Variants in LRRC27 observed in about 807,000 individuals in gnomAD.
The protein encoded by LRRC27 is leucine-rich repeat-containing protein 27.
Under a neutral mutation model 55.0 loss-of-function variants are expected in LRRC27, and 57 were observed. The ratio of observed to expected loss-of-function variants is 1.04; its 90% CI spans 0.84 to 1.29. The LOEUF (loss-of-function observed/expected upper bound fraction) is 1.29, where lower values mean the gene tolerates loss of function less well. Among genes scored for constraint, LRRC27 ranks in the 50% most tolerant of loss-of-function variants. LRRC27 has a pLI of 0.00. For missense variants in LRRC27, 721 were observed against 651.5 expected, an observed-to-expected ratio of 1.11 and a Z score of -1.16; for synonymous variants, 278 against 251.9, an observed-to-expected ratio of 1.10 and a Z score of -0.98.
intron 2 of LRRC27, 146 bp from the exon 3 acceptor site, chr10:132,337,419 A>C: frequency 7.0e-7 from 1 of 1,422,504 alleles, no homozygotes; most frequent in Non-Finnish European, 9.2e-7. Context: ...ACATCTTTTA[A>C]GGGTAAGAGA....
chr10:132,371,605 A>AGAGCCCC (rs2069218428), intron 10 of LRRC27, among the ~76,000 whole-genome samples: 3 of 152,182 alleles, frequency 2.0e-5, no homozygotes, highest in Admixed American at 1.3e-4. Context: ...TCCTGTAATA[A>AGAGCCCC]TAGAGCCCCA....
intron 1 of LRRC27, 80 bp from the exon 2 acceptor site, chr10:132,333,397 C>A: frequency 1.8e-6 from 1 of 544,990 alleles, no homozygotes; most frequent in South Asian, 4.0e-5. Flanking sequence ...AGTTACATTA[C>A]AGTAGATCTG....
At chr10:132,364,346 A>ACACTCATGCTTAC (rs71013524) in intron 9 of LRRC27, among the ~76,000 whole-genome samples, 1 of 16,730 alleles carries the variant, frequency 6.0e-5, no homozygotes. Flanking sequence ...ACCCACACTT[A>ACACTCATGCTTAC]ATCTACCTCC....
intron 5 of LRRC27, 61 bp from the exon 6 acceptor site, chr10:132,347,923 G>T (rs2067799161): frequency 6.6e-7 from 1 of 1,518,352 alleles, no homozygotes; most frequent in South Asian, 1.3e-5. Context: ...CTGGCTTTTT[G>T]AATAAGTCAC....
At chr10:132,355,538 G>GC (rs1179114390) in intron 7 of LRRC27, among the ~76,000 whole-genome samples, 2 of 152,176 alleles carry the variant, frequency 1.3e-5, no homozygotes, top group Non-Finnish European at 2.9e-5. Flanking sequence ...GGTCGGGTTG[G>GC]CCCCCAGCAT....
chr10:132,337,046 CTT>C, intron 2 of LRRC27: 1 of 1,284,100 alleles, frequency 7.8e-7, no homozygotes, highest in Non-Finnish European at 1.0e-6. Context: ...CTCGCTGAGG[CTT>C]TGTTTGCTGC....
chr10:132,366,844 A>G, intron 10 of LRRC27: 1 of 1,280,452 alleles, frequency 7.8e-7, no homozygotes, highest in Non-Finnish European at 1.0e-6. Flanking sequence ...CCTCTCTCCT[A>G]GAGCCGGAGA....
chr10:132,370,887 A>C, intron 10 of LRRC27, among the ~76,000 whole-genome samples: 1 of 152,198 alleles, frequency 6.6e-6, no homozygotes, highest in Non-Finnish European at 1.5e-5. Context: ...CGATCATGCC[A>C]GCCCTCCCTG....
chr10:132,337,503 A>G, intron 2 of LRRC27, 62 bp from the exon 3 acceptor site: 2 of 1,594,046 alleles, frequency 1.3e-6, no homozygotes, highest in Non-Finnish European at 1.7e-6. Flanking sequence ...GATTTTGGAT[A>G]TATCATGTTT....
intron 3 of LRRC27, 53 bp downstream of exon 3, chr10:132,337,748 G>A: frequency 6.3e-7 from 1 of 1,591,276 alleles, no homozygotes. Flanking sequence ...GTGCACGAGT[G>A]CCTGTTCTTT....
intron 8 of LRRC27, among the ~76,000 whole-genome samples, chr10:132,358,248 C>T (rs990064244): frequency 1.3e-5 from 2 of 152,154 alleles, no homozygotes; most frequent in South Asian, 2.1e-4. Flanking sequence ...GTGAGGGACA[C>T]GTAGGGTGGA....
At chr10:132,370,816 A>G (rs772544522) in intron 10 of LRRC27, among the ~76,000 whole-genome samples, 13 of 152,226 alleles carry the variant, frequency 8.5e-5, no homozygotes, top group Non-Finnish European at 1.3e-4. Flanking sequence ...CCACTAGCAA[A>G]AAAGAAAGTA....
chr10:132,333,318 T>C (rs1164736873), intron 1 of LRRC27, among the ~76,000 whole-genome samples, 159 bp from the exon 2 acceptor site: 1 of 151,864 alleles, frequency 6.6e-6, no homozygotes, highest in Non-Finnish European at 1.5e-5. Context: ...GTATTCCTTT[T>C]TTTTTTTTTT....
Position 132,336,972 on chromosome 10 carries a change from C to T in LRRC27, c.211-593C>T, listed in dbSNP as rs2067163951. 4 of 692,268 alleles carry T rather than the reference C, an allele frequency of 5.8e-6. No homozygotes were observed. In the South Asian group the frequency reaches 6.8e-5, roughly 12 times the overall value. The allele number at this position is 692,268 out of a possible 1,614,324, so 42.9% of individuals were successfully genotyped here. ...CGTGTATACGTTCATCTTCCACCTT[C>T]CCTTATTTGTCACGACTTTACAACG... On this transcript the variant is annotated intron_variant, in intron 2 of 10. Transcript: ENST00000368614.
chr10:132,343,718 G>A (rs7921822), intron 4 of LRRC27, among the ~76,000 whole-genome samples: 77,748 of 152,162 alleles, frequency 0.51, 20,893 homozygotes, highest in African/African-American at 0.65. Context: ...AAGCGAGCGC[G>A]GCTGAAAGGT....
chr10:132,330,432 G>A (rs950233072), upstream of LRRC27: 3 of 717,218 alleles, frequency 4.2e-6, no homozygotes, highest in Middle Eastern at 2.3e-4. Flanking sequence ...TGCTCTGCCC[G>A]GGTGGCTGGC....
intron 9 of LRRC27, among the ~76,000 whole-genome samples, chr10:132,364,138 G>C (rs1220713606): frequency 6.6e-6 from 1 of 151,944 alleles, no homozygotes. Context: ...TGACCTGAGG[G>C]CTCTGTTCTG....
At position 132,374,408 on chromosome 10, in the gene LRRC27, C is replaced by T. The variant is rs576362276; in HGVS notation, c.1417-658C>T. Among the ~76,000 whole-genome samples, 2 of 152,190 alleles carry T rather than the reference C, an allele frequency of 1.3e-5. No homozygotes were observed. The highest frequency in any genetic ancestry group is 2.1e-4 in the South Asian group (1 of 4,818). On this transcript the variant is annotated intron_variant, in intron 10 of 10. Coordinates refer to ENST00000368614, the MANE Select transcript of LRRC27 (RefSeq NM_030626.3). This position sits in a 1 kb window ranked among gnomAD's most constrained non-coding sequence, Gnocchi z 4.4. ...CTGCAGAGGGCCTGAGGGGCAGGAA[C>T]GGGAAGATCCCCTCCTCAGTTTATC... is the stretch of plus-strand genomic sequence containing the variant.
In LRRC27 at chr10:132,348,282, G is replaced by A. The variant is rs771177538; in HGVS notation, c.852G>A (p.Thr284=). Residue 284 remains threonine, a synonymous_variant, in exon 6 of 11, where the codon ACG becomes ACA. Coordinates refer to ENST00000368614, the MANE Select transcript of LRRC27 (RefSeq NM_030626.3). The surrounding 1 kb of genome is among the most constrained non-coding windows in gnomAD (Gnocchi z 4.2). The part of the protein sequence containing the change: ...KADVLGDQLL[T]RELPPNLKAA... ...ACGTTCTGGGAGATCAGCTCTTGAC[G>A]AGGGAATTACCTCCAAATCTCAAGG... The A allele has an allele frequency of 3.7e-6, 6 of 1,614,014 alleles. No individual in the cohort carries two copies. The highest frequency in any genetic ancestry group is 1.1e-5 in the South Asian group (1 of 91,082).
Sources: gnomAD v4.1 joint callset for allele counts (sites outside exome capture counted in the v4.1 genomes callset) on GRCh38, gnomAD v4.1.1 for gene constraint, Gnocchi (gnomAD v3.1) non-coding constraint, MANE v1.5 for transcripts, NCBI Gene and HGNC (gene_info 2026-07-23, HGNC 2026-07-21) for gene names.